The following SPON1 variants were observed in gnomAD, a reference collection of about 807,000 sequenced individuals.
SPON1 encodes the protein spondin 1.
Under a neutral mutation model 111.7 loss-of-function variants are expected in SPON1, and 52 were observed. That is an observed-to-expected ratio of 0.47 (90% CI 0.37 to 0.59). The LOEUF (loss-of-function observed/expected upper bound fraction) is 0.59, where lower values mean the gene tolerates loss of function less well. SPON1 is among the 20% of genes least tolerant of loss of function. SPON1 has a pLI of 0.00. For missense variants in SPON1, 957 were observed against 1,068.5 expected (o/e 0.90, Z 1.46); for synonymous variants, 410 against 395.8 (o/e 1.04, Z -0.43).
At chr11:14,166,331 A>G (rs1413714666) in intron 6 of SPON1, among the ~76,000 whole-genome samples, 2 of 152,222 alleles carry the variant, frequency 1.3e-5, no homozygotes, top group Admixed American at 1.3e-4. Flanking sequence ...CAGGTAGAAA[A>G]GAACAAATAT....
At chr11:14,207,069 A>G (rs116496061) in intron 6 of SPON1, among the ~76,000 whole-genome samples, 23,176 of 152,202 alleles carry the variant, frequency 0.15, 1,953 homozygotes, top group Admixed American at 0.23. Context: ...TAGAGAATTC[A>G]GAAATAAGAC....
At chr11:14,074,790 T>C (rs1196485392) in intron 3 of SPON1, among the ~76,000 whole-genome samples, 1 of 152,232 alleles carries the variant, frequency 6.6e-6, no homozygotes, top group Admixed American at 6.5e-5. Flanking sequence ...GCATTTGACA[T>C]GTTTAAGAGG....
chr11:14,116,081 A>G (rs1591379668), intron 5 of SPON1, among the ~76,000 whole-genome samples: 1 of 151,966 alleles, frequency 6.6e-6, no homozygotes, highest in African/African-American at 2.4e-5. Flanking sequence ...TTCTTTTTCT[A>G]TTATATTCTC....
At chr11:13,971,294 G>T (rs1848061366) in intron 1 of SPON1, among the ~76,000 whole-genome samples, 1 of 152,210 alleles carries the variant, frequency 6.6e-6, no homozygotes, top group Non-Finnish European at 1.5e-5. Context: ...GCTGTGGCAT[G>T]AAAAGCAGAG....
chr11:14,031,081 C>T (rs1205357629), intron 2 of SPON1, among the ~76,000 whole-genome samples: 3 of 152,128 alleles, frequency 2.0e-5, no homozygotes, highest in Admixed American at 6.5e-5. Context: ...GGCCATCATC[C>T]GAAGCAAATT....
At chr11:14,020,006 G>A (rs1848469530) in intron 2 of SPON1, among the ~76,000 whole-genome samples, 1 of 152,190 alleles carries the variant, frequency 6.6e-6, no homozygotes. Context: ...GAAAGGAACA[G>A]GATAGCCATA....
intron 2 of SPON1, among the ~76,000 whole-genome samples, chr11:14,031,553 C>A (rs1230538119): frequency 2.0e-5 from 3 of 151,932 alleles, no homozygotes; most frequent in Admixed American, 2.0e-4. Flanking sequence ...GAAAAAGAAA[C>A]AAGACACATT....
At chr11:13,981,872 G>A (rs1044271192) in intron 1 of SPON1, among the ~76,000 whole-genome samples, 1 of 152,100 alleles carries the variant, frequency 6.6e-6, no homozygotes, top group Non-Finnish European at 1.5e-5. Flanking sequence ...GTCTTCTGCT[G>A]GACCCTGCAT....
In SPON1 at chr11:14,134,170, T is replaced by C. The variant is rs144136286; in HGVS notation, c.677-1250T>C. Among the ~76,000 whole-genome samples the C allele has an allele frequency of 5.2e-3, 794 of 152,292 alleles. 4 individuals are homozygous for C. Among genetic ancestry groups the C allele is most frequent in the African/African-American group, 0.018 (763 of 41,554 alleles). On this transcript the variant is annotated intron_variant, in intron 5 of 15. Coordinates refer to ENST00000576479, the MANE Select transcript of SPON1 (RefSeq NM_006108.4). Reference sequence around the variant, plus strand: ...TAGTTGGGTTCACCCAGTTCAAGTTTTCCTCTTTGATATGCCTGAAAATGT... The same window carrying C: ...TAGTTGGGTTCACCCAGTTCAAGTTCTCCTCTTTGATATGCCTGAAAATGT...
At chr11:14,234,486 G>A (rs782686991) in intron 6 of SPON1, among the ~76,000 whole-genome samples, 9 of 152,204 alleles carry the variant, frequency 5.9e-5, no homozygotes, top group Non-Finnish European at 1.3e-4. Context: ...ACTTGTGTGA[G>A]CACTAAAAAG....
chr11:14,260,506 G>A (rs782605847), intron 13 of SPON1, 82 bp from the exon 14 acceptor site: 61 of 1,450,480 alleles, frequency 4.2e-5, no homozygotes, highest in East Asian at 9.3e-5. Flanking sequence ...CAGGGGACTC[G>A]GTGTGGAACA....
intron 4 of SPON1, among the ~76,000 whole-genome samples, chr11:14,079,670 C>A (rs1316036219): frequency 6.9e-6 from 1 of 145,124 alleles, no homozygotes; most frequent in Middle Eastern, 3.4e-3. Flanking sequence ...CAGATCTTCT[C>A]AATTTATTAG....
Position 14,188,201 on chromosome 11 carries a change from C to T in SPON1, c.825+52633C>T, listed in dbSNP as rs1388741641. Among the ~76,000 whole-genome samples, 14 of 152,272 alleles carry T rather than the reference C, an allele frequency of 9.2e-5. No individual in the cohort carries two copies. In the East Asian group the frequency reaches 2.7e-3, roughly 29 times the overall value. ...GGGATTACAGGTCTGAGCCACTGTG[C>T]CCGGCCCGTAAAAGACTTTCAACAC... On this transcript the variant is annotated intron_variant, in intron 6 of 15. Transcript: ENST00000576479.
chr11:14,070,577 G>A (rs1483392680), intron 3 of SPON1, among the ~76,000 whole-genome samples: 1 of 152,214 alleles, frequency 6.6e-6, no homozygotes, highest in African/African-American at 2.4e-5. Context: ...ACACACCACA[G>A]TAGGAACTTA....
intron 5 of SPON1, among the ~76,000 whole-genome samples, chr11:14,116,665 AT>A (rs200230690): frequency 6.6e-6 from 1 of 151,566 alleles, no homozygotes; most frequent in African/African-American, 2.4e-5. Flanking sequence ...GTGTTCTCTG[AT>A]TTTTTTTCTT....
intron 5 of SPON1, among the ~76,000 whole-genome samples, chr11:14,122,310 A>T (rs1847399803): frequency 6.6e-6 from 1 of 152,104 alleles, no homozygotes; most frequent in African/African-American, 2.4e-5. Context: ...AGTAACTGGG[A>T]CTACAGGCGC....
chr11:13,991,092 T>C (rs374398512), intron 2 of SPON1, among the ~76,000 whole-genome samples: 1 of 152,224 alleles, frequency 6.6e-6, no homozygotes, highest in Admixed American at 6.5e-5. Flanking sequence ...TGGTGTTCTC[T>C]GTATTTCCTG....
At chr11:14,175,881 C>T (rs1812257864) in intron 6 of SPON1, among the ~76,000 whole-genome samples, 1 of 152,186 alleles carries the variant, frequency 6.6e-6, no homozygotes, top group African/African-American at 2.4e-5. Context: ...AGATGCTGCC[C>T]AATGGGCTGC....
At chr11:13,984,932 C>T (rs1848171086) in intron 2 of SPON1, among the ~76,000 whole-genome samples, 1 of 152,180 alleles carries the variant, frequency 6.6e-6, no homozygotes, top group Non-Finnish European at 1.5e-5. Flanking sequence ...ATGCATCCTC[C>T]CTTCTTCCTC....
Sources: gnomAD v4.1 joint callset for allele counts (sites outside exome capture counted in the v4.1 genomes callset) on GRCh38, gnomAD v4.1.1 for gene constraint, MANE v1.5 for transcripts, NCBI Gene and HGNC (gene_info 2026-07-23, HGNC 2026-07-21) for gene names.